CELF4: variants seen among roughly 807,000 people sequenced by gnomAD.
CELF4 encodes the protein CUG-BP- and ETR-3-like factor 4.
CELF4 carries 18 observed loss-of-function variants against 59.9 expected under a neutral mutation model. The observed-to-expected ratio is 0.30, with a 90% CI of 0.21 to 0.45. The LOEUF is 0.45. CELF4 is among the 20% of genes least tolerant of loss of function. The pLI is 1.00. For missense variants in CELF4, 456 were observed against 689.0 expected (o/e 0.66, Z 3.79); for synonymous variants, 261 against 267.1 (o/e 0.98, Z 0.22).
At chr18:37,402,149 G>A (rs1480332062) in intron 2 of CELF4, among the ~76,000 whole-genome samples, 2 of 152,202 alleles carry the variant, frequency 1.3e-5, no homozygotes, top group Admixed American at 6.5e-5. Context: ...CCACCTGGAG[G>A]GGATGTGCCC....
chr18:37,276,534 A>T (rs944238632), intron 3 of CELF4: 7 of 152,162 alleles, frequency 4.6e-5, no homozygotes, highest in Non-Finnish European at 8.8e-5. Flanking sequence ...CATGCAGAAG[A>T]GTCCCCATGG....
At chr18:37,460,148 T>C (rs1335823717) in intron 2 of CELF4, among the ~76,000 whole-genome samples, 4 of 152,296 alleles carry the variant, frequency 2.6e-5, no homozygotes, top group South Asian at 2.1e-4. Context: ...GGGCTCGCCA[T>C]GTCTGAACAT....
chr18:37,368,318 G>A (rs1003437687), intron 2 of CELF4, among the ~76,000 whole-genome samples: 7 of 151,902 alleles, frequency 4.6e-5, no homozygotes, highest in African/African-American at 7.3e-5. Flanking sequence ...CTCCCTGCCC[G>A]TCTCCCTACT....
At chr18:37,472,362 C>T (rs1429748436) in intron 2 of CELF4, among the ~76,000 whole-genome samples, 8 of 152,240 alleles carry the variant, frequency 5.3e-5, no homozygotes, top group African/African-American at 1.2e-4. Flanking sequence ...TTTGCTGCTA[C>T]GCATCCTGCG....
chr18:37,510,607 G>C (rs887177904), intron 1 of CELF4, among the ~76,000 whole-genome samples: 2 of 152,202 alleles, frequency 1.3e-5, no homozygotes, highest in African/African-American at 4.8e-5. Flanking sequence ...ACTTGCCCTT[G>C]GCCCTTGCCC....
chr18:37,367,934 C>G (rs1427749217), intron 2 of CELF4, among the ~76,000 whole-genome samples: 1 of 152,070 alleles, frequency 6.6e-6, no homozygotes, highest in Non-Finnish European at 1.5e-5. Flanking sequence ...CCCCCCACAC[C>G]CAGCCCATCT....
At chr18:37,489,617 G>A (rs2099893570) in intron 1 of CELF4, among the ~76,000 whole-genome samples, 1 of 152,146 alleles carries the variant, frequency 6.6e-6, no homozygotes, top group Non-Finnish European at 1.5e-5. Flanking sequence ...GGGGGAAGGT[G>A]GGGAGCATCA....
At chr18:37,525,164 C>A (rs956178199) in intron 1 of CELF4, among the ~76,000 whole-genome samples, 1 of 152,174 alleles carries the variant, frequency 6.6e-6, no homozygotes, top group South Asian at 2.1e-4. Context: ...CCCCTGGACG[C>A]CCTCTGAGGA....
intron 2 of CELF4, among the ~76,000 whole-genome samples, chr18:37,395,538 A>AAAAT (rs939591191): frequency 5.9e-5 from 9 of 152,244 alleles, no homozygotes; most frequent in Admixed American, 2.0e-4. Context: ...TTTTGAGATC[A>AAAAT]GTAGTTCTCT....
intron 2 of CELF4, among the ~76,000 whole-genome samples, chr18:37,405,750 G>A (rs1284064372): frequency 3.3e-5 from 5 of 152,174 alleles, no homozygotes; most frequent in South Asian, 2.1e-4. Context: ...GGAAGAGGGC[G>A]GTGGGCTTTG....
intron 2 of CELF4, among the ~76,000 whole-genome samples, chr18:37,482,139 T>A (rs2099869374): frequency 6.6e-6 from 1 of 152,154 alleles, no homozygotes. Context: ...ATCCCCAACT[T>A]GGTGGTCAAC....
At chr18:37,465,667 T>C (rs1164450534) in intron 2 of CELF4, among the ~76,000 whole-genome samples, 2 of 151,954 alleles carry the variant, frequency 1.3e-5, no homozygotes, top group African/African-American at 4.8e-5. Flanking sequence ...TTCAGGGAGA[T>C]AAAATTCATA....
In CELF4 at chr18:37,273,137, C is replaced by T; in HGVS notation, c.828G>A (p.Met276Ile). 1 of 1,611,480 alleles carries T rather than the reference C, an allele frequency of 6.2e-7. No homozygotes were observed. Among genetic ancestry groups the T allele is most frequent in the East Asian group, 2.2e-5 (1 of 44,778 alleles). The change falls in exon 7 of 13, where the codon ATG (methionine) becomes ATA (isoleucine). Residue 276 changes from methionine to isoleucine, a missense_variant. Met to Ile is a conservative substitution (Grantham distance 10). This residue lies in a region of CELF4 where 256 missense variants were observed against 340.8 expected (regional missense o/e 0.75). Coordinates refer to ENST00000420428, the MANE Select transcript of CELF4 (RefSeq NM_020180.4). Reference sequence around the variant, plus strand: ...GGTAGCCGCCCTGCGCGACTGATGCCATCAGGGCCGCTTGCTGCTGCATCA... The same window carrying T: ...GGTAGCCGCCCTGCGCGACTGATGCTATCAGGGCCGCTTGCTGCTGCATCA... Reference protein sequence around the residue: ...QALMQQQAALMASVAQGGYLN... With the variant: ...QALMQQQAALIASVAQGGYLN...
intron 1 of CELF4, among the ~76,000 whole-genome samples, chr18:37,558,806 C>CGTGTGT (rs147683102): frequency 0.022 from 3,272 of 145,520 alleles, 54 homozygotes; most frequent in African/African-American, 0.048. Flanking sequence ...GCTGTCAGGT[C>CGTGTGT]GTGTGTGTGT....
intron 1 of CELF4, among the ~76,000 whole-genome samples, chr18:37,542,666 C>T (rs1289557788): frequency 6.6e-6 from 1 of 152,166 alleles, no homozygotes; most frequent in African/African-American, 2.4e-5. Context: ...TGGCATCATG[C>T]TGGGGATACG....
chr18:37,465,003 G>A (rs1437109250), intron 2 of CELF4, among the ~76,000 whole-genome samples: 1 of 152,082 alleles, frequency 6.6e-6, no homozygotes, highest in Non-Finnish European at 1.5e-5. Context: ...CCATTATCCT[G>A]CTTCCGGGAA....
In CELF4 at chr18:37,398,108, A is replaced by AT. The variant is rs1569568730; in HGVS notation, c.370-76228_370-76227insA. On this transcript the variant is annotated intron_variant, in intron 2 of 12. Transcript: ENST00000420428. The stretch of plus-strand genomic sequence containing the variant: ...GAAGGGCAGGTCCTTCAGGGAGGAC[A>AT]GGTGTGTCAAGTGAGCTGCCGGCCC... 5.3e-5 allele frequency among the ~76,000 whole-genome samples: 8 copies of AT among 152,206 alleles called. 1 individual carries two copies. Among genetic ancestry groups the AT allele is most frequent in the Admixed American group, 5.2e-4 (8 of 15,282 alleles).
At chr18:37,351,822 G>A (rs995977360) in intron 2 of CELF4, among the ~76,000 whole-genome samples, 11 of 151,978 alleles carry the variant, frequency 7.2e-5, no homozygotes, top group Middle Eastern at 3.4e-3. Context: ...CCATCTTAGC[G>A]AGGCTGGTCT....
At position 37,243,253 on chromosome 18, in the gene CELF4, GAA is replaced by G. The variant is rs1224406863; in HGVS notation, c.*1987_*1988del. On this transcript the variant is annotated 3_prime_UTR_variant, in exon 13 of 13. Transcript: ENST00000420428. ...AGGAGTCAAGAGAAAAAAAGAAAAT[GAA>G]AAACAACAACAACAACAAAATTGAC... 1 of 119,788 alleles carries G rather than the reference GAA, an allele frequency of 8.3e-6. No homozygotes were observed. Among genetic ancestry groups the G allele is most frequent in the Non-Finnish European group, 1.7e-5 (1 of 60,020 alleles). The allele number at this position is 119,788 out of a possible 1,614,324, so 7.4% of individuals were successfully genotyped here.
Sources: allele counts gnomAD v4.1 joint callset (sites outside exome capture counted in the v4.1 genomes callset), GRCh38; gene constraint gnomAD v4.1.1; regional missense constraint gnomAD v4.1.1; transcripts MANE v1.5; gene names NCBI Gene and HGNC (gene_info 2026-07-23, HGNC 2026-07-21).